Variants in PIEZO2 observed in about 807,000 individuals in gnomAD.
The protein encoded by PIEZO2 is piezo-type mechanosensitive ion channel component 2.
PIEZO2 carries 172 observed loss-of-function variants against 337.3 expected under a neutral mutation model. That is an observed-to-expected ratio of 0.51 (90% confidence interval 0.45 to 0.58). The LOEUF is 0.58. Ranked by LOEUF, PIEZO2 falls within the 20% of genes least tolerant of loss-of-function variation. PIEZO2 has a pLI of 0.00. For synonymous variants in PIEZO2, 1,251 were observed against 1,228.5 expected, an observed-to-expected ratio of 1.02 and a Z score of -0.38; for missense variants, 3,028 against 3,391.3, an observed-to-expected ratio of 0.89 and a Z score of 2.66.
rs1425017925 is a variant in PIEZO2 at position 11,032,834 on chromosome 18, T to C, written c.160+33293A>G. Among the ~76,000 whole-genome samples, 5 of 152,220 alleles carry C rather than the reference T, an allele frequency of 3.3e-5. No individual in the cohort carries two copies. Among genetic ancestry groups the C allele is most frequent in the Non-Finnish European group, 7.4e-5 (5 of 68,026 alleles). ...GATAAGAACTCTTTTGGACCTCGCC[T>C]GTTTAAGTAGCCCACCCTAAGCATG... On this transcript the variant is annotated intron_variant, in intron 2 of 55. Coordinates refer to ENST00000674853, the MANE Select transcript of PIEZO2 (RefSeq NM_001378183.1). The surrounding 1 kb of genome is among the most constrained non-coding windows in gnomAD (Gnocchi z 4.9).
At chr18:10,771,026 C>G (rs566683571) in intron 20 of PIEZO2, among the ~76,000 whole-genome samples, 18 of 152,274 alleles carry the variant, frequency 1.2e-4, no homozygotes, top group African/African-American at 4.3e-4. Flanking sequence ...CGCCCATGCC[C>G]CCAGCCCCCT....
chr18:11,133,820 A>G (rs2040406831), intron 1 of PIEZO2, among the ~76,000 whole-genome samples: 1 of 150,860 alleles, frequency 6.6e-6, no homozygotes, highest in Non-Finnish European at 1.5e-5. Flanking sequence ...ATATATATAT[A>G]TATACTTAAT....
At chr18:11,019,634 C>T (rs2036241576) in intron 2 of PIEZO2, among the ~76,000 whole-genome samples, 1 of 152,140 alleles carries the variant, frequency 6.6e-6, no homozygotes, top group Non-Finnish European at 1.5e-5. Context: ...TCTGGGCCCC[C>T]TTGTTGCAGT....
intron 3 of PIEZO2, among the ~76,000 whole-genome samples, chr18:10,974,009 C>G (rs768076519): frequency 4.6e-5 from 7 of 152,118 alleles, no homozygotes; most frequent in African/African-American, 1.7e-4. Context: ...GCACAACTAA[C>G]GAAGCATGGG....
intron 7 of PIEZO2, among the ~76,000 whole-genome samples, chr18:10,809,708 T>A (rs1158688976): frequency 6.6e-6 from 1 of 152,142 alleles, no homozygotes; most frequent in Non-Finnish European, 1.5e-5. Context: ...CAACAATTAT[T>A]TAATTTACTC....
chr18:10,693,004 C>T (rs986472494), intron 47 of PIEZO2, among the ~76,000 whole-genome samples: 3 of 152,120 alleles, frequency 2.0e-5, no homozygotes, highest in Non-Finnish European at 2.9e-5. Flanking sequence ...TATTTTGATG[C>T]ATGAATTTAA....
intron 3 of PIEZO2, among the ~76,000 whole-genome samples, chr18:10,978,437 C>T (rs1226552262): frequency 6.6e-6 from 1 of 152,052 alleles, no homozygotes; most frequent in East Asian, 1.9e-4. Context: ...TTTTAGAAAA[C>T]AACATACCTT....
chr18:10,967,140 C>T (rs918781115), intron 3 of PIEZO2, among the ~76,000 whole-genome samples: 4 of 151,426 alleles, frequency 2.6e-5, no homozygotes, highest in Non-Finnish European at 4.4e-5. Flanking sequence ...GCCTCAGCCT[C>T]CTGAGTAGCT....
At position 10,828,568 on chromosome 18, in the gene PIEZO2, A is replaced by G. The variant is rs2040749097; in HGVS notation, c.918-21294T>C. ...TGAGTTCTAGGTGGATCATTGAATT[A>G]TTGCAAAGTGTGTGAGATATTGGTG... On this transcript the variant is annotated intron_variant, in intron 7 of 55. Transcript: ENST00000674853. This position sits in a 1 kb window ranked among gnomAD's most constrained non-coding sequence, Gnocchi z 4.1. 6.6e-6 allele frequency among the ~76,000 whole-genome samples: 1 copy of G among 152,182 alleles called. No individual in the cohort carries two copies. Among genetic ancestry groups the G allele is most frequent in the Non-Finnish European group, 1.5e-5 (1 of 68,032 alleles).
intron 49 of PIEZO2, among the ~76,000 whole-genome samples, chr18:10,685,987 C>T (rs1421366546): frequency 6.6e-6 from 1 of 152,196 alleles, no homozygotes; most frequent in Non-Finnish European, 1.5e-5. Flanking sequence ...TCTCCAGACC[C>T]CCATCAGAAC....
rs376576543 is a variant in PIEZO2 at position 10,799,775 on chromosome 18, C to A, written c.1378+562G>T. ...ATTGCCTGAGCTCAGGAGTTTGAGACCAGTCTGGGCAAAACAGTGAAACCC... is the reference window on the plus strand; with the variant it reads ...ATTGCCTGAGCTCAGGAGTTTGAGAACAGTCTGGGCAAAACAGTGAAACCC... On this transcript the variant is annotated intron_variant, in intron 11 of 55. Transcript: ENST00000674853. Among the ~76,000 whole-genome samples the A allele has an allele frequency of 2.0e-3, 299 of 152,234 alleles. 2 individuals carry two copies. The highest frequency in any genetic ancestry group is 6.9e-3 in the African/African-American group (285 of 41,544).
rs566174671 is a variant in PIEZO2, at chr18:11,031,811, G to C, written c.160+34316C>G. ...ATTAAGGTATGGGGCATGAGGTGTTGGCAAGCTCAGGGCAATGGCTATTTA... is the reference window on the plus strand; with the variant it reads ...ATTAAGGTATGGGGCATGAGGTGTTCGCAAGCTCAGGGCAATGGCTATTTA... On this transcript the variant is annotated intron_variant, in intron 2 of 55. Coordinates refer to ENST00000674853, the MANE Select transcript of PIEZO2 (RefSeq NM_001378183.1). The surrounding 1 kb of genome is among the most constrained non-coding windows in gnomAD (Gnocchi z 4.7). 1.6e-4 allele frequency among the ~76,000 whole-genome samples: 24 copies of C among 152,256 alleles called. No individual in the cohort carries two copies. The highest frequency in any genetic ancestry group is 5.8e-4 in the African/African-American group (24 of 41,534).
At position 10,705,368 on chromosome 18, in the gene PIEZO2, A is replaced by T. The variant is rs762032787; in HGVS notation, c.5967T>A (p.His1989Gln). 44 of 1,536,548 alleles carry T rather than the reference A, an allele frequency of 2.9e-5. No individual in the cohort carries two copies. Among genetic ancestry groups the T allele is most frequent in the Non-Finnish European group, 3.8e-5 (44 of 1,146,606 alleles). ...LGSSILPPLT[H>Q]ELTASELLLK... ...GCAGCAGCTCGCTGGCCGTCAGCTC[A>T]TGGGTCAGGGGAGGTAAGATGCTGG... The change falls in exon 41 of 56, where the codon CAT (histidine) becomes CAA (glutamine). Residue 1989 changes from histidine to glutamine, a missense_variant. Physicochemically the swap from His to Gln is conservative, Grantham distance 24. Transcript: ENST00000674853.
chr18:11,055,852 G>A (rs912117767), intron 2 of PIEZO2, among the ~76,000 whole-genome samples: 4 of 152,170 alleles, frequency 2.6e-5, no homozygotes, highest in African/African-American at 4.8e-5. Context: ...CGTTGTGTGC[G>A]CCCTTCGCTG....
At chr18:10,678,443 T>A (rs746190034) in intron 52 of PIEZO2, among the ~76,000 whole-genome samples, 22 of 152,114 alleles carry the variant, frequency 1.4e-4, no homozygotes, top group African/African-American at 4.6e-4. Flanking sequence ...CCACTTTGTA[T>A]TTTTTTTAAC....
chr18:10,985,359 G>A (rs754687373), intron 2 of PIEZO2, among the ~76,000 whole-genome samples: 5 of 152,082 alleles, frequency 3.3e-5, no homozygotes, highest in Non-Finnish European at 7.4e-5. Flanking sequence ...ATTTTTGTAT[G>A]TGATTGAAAT....
chr18:10,880,184 C>T (rs1040112240), intron 4 of PIEZO2, among the ~76,000 whole-genome samples: 2 of 151,894 alleles, frequency 1.3e-5, no homozygotes, highest in East Asian at 3.9e-4. Context: ...AAAGATACTA[C>T]ACCAATTACT....
In PIEZO2 at chr18:11,012,411, C is replaced by G. The variant is rs1470485821; in HGVS notation, c.161-32751G>C. On this transcript the variant is annotated intron_variant, in intron 2 of 55. Coordinates refer to ENST00000674853, the MANE Select transcript of PIEZO2 (RefSeq NM_001378183.1). ...TTAATGTTGATCAAGTATCTAATCT[C>G]CACAAAGACAATGTAAGAAGCCCAT... Among the ~76,000 whole-genome samples, 3 of 152,270 alleles carry G rather than the reference C, an allele frequency of 2.0e-5. No individual in the cohort carries two copies. The East Asian group carries it at 5.8e-4, about 29-fold the overall frequency.
chr18:10,712,023 C>A (rs930029161), intron 39 of PIEZO2, among the ~76,000 whole-genome samples: 1 of 152,184 alleles, frequency 6.6e-6, no homozygotes, highest in Admixed American at 6.5e-5. Flanking sequence ...GGGACATTTA[C>A]GTGTAGAGAA....
Sources: gnomAD v4.1 joint callset for allele counts (sites outside exome capture counted in the v4.1 genomes callset) on GRCh38, gnomAD v4.1.1 for gene constraint, Gnocchi (gnomAD v3.1) non-coding constraint, MANE v1.5 for transcripts, NCBI Gene and HGNC (gene_info 2026-07-23, HGNC 2026-07-21) for gene names.